The following REC114 variants were observed in gnomAD, a reference collection of about 807,000 sequenced individuals.
The protein encoded by REC114 is meiotic recombination protein REC114.
Under a neutral mutation model 31.3 loss-of-function variants are expected in REC114, and 27 were observed. The observed-to-expected ratio is 0.86, with a 90% confidence interval of 0.64 to 1.19. REC114 has a LOEUF of 1.19. REC114 is among the 50% of genes most tolerant of loss of function. The pLI, the probability that REC114 is intolerant of heterozygous loss-of-function variation, is 0.00. For synonymous variants in REC114, 134 were observed against 127.7 expected, an observed-to-expected ratio of 1.05 and a Z score of -0.33; for missense variants, 344 against 326.9, an observed-to-expected ratio of 1.05 and a Z score of -0.40.
intron 1 of REC114, among the ~76,000 whole-genome samples, chr15:73,445,790 C>A (rs557443555): frequency 1.3e-5 from 2 of 152,064 alleles, no homozygotes; most frequent in Non-Finnish European, 2.9e-5. Flanking sequence ...TTGTGGCACT[C>A]CAGAACAATT....
rs1893061650 is a variant in REC114, at chr15:73,466,495, A to G, written c.160-7337A>G. 2.0e-5 allele frequency among the ~76,000 whole-genome samples: 3 copies of G among 152,146 alleles called. 1 individual carries two copies. In the South Asian group the frequency reaches 6.2e-4, roughly 31 times the overall value. ...CTTGAACCTGGGAGGCAGAGGTTGC[A>G]GTGAGCCAAGATGGTGCCATTGCAC... On this transcript the variant is annotated intron_variant, in intron 1 of 5. Transcript: ENST00000331090.
At chr15:73,554,685 A>T (rs2141337714) in intron 4 of REC114, among the ~76,000 whole-genome samples, 1 of 152,324 alleles carries the variant, frequency 6.6e-6, no homozygotes, top group African/African-American at 2.4e-5. Flanking sequence ...AGTCCAGAAG[A>T]AAGTAGCTAG....
chr15:73,467,892 C>CT (rs112871881), intron 1 of REC114, among the ~76,000 whole-genome samples: 1,488 of 145,606 alleles, frequency 0.01, 22 homozygotes, highest in African/African-American at 0.032. Flanking sequence ...GCTCAAGAAT[C>CT]TTTTTTTTTT....
At chr15:73,523,765 C>G (rs758743074) in intron 2 of REC114, among the ~76,000 whole-genome samples, 1 of 151,936 alleles carries the variant, frequency 6.6e-6, no homozygotes, top group Non-Finnish European at 1.5e-5. Context: ...CTGTTTCTAC[C>G]CCAGGGTGGC....
chr15:73,474,803 G>T (rs887613955), intron 2 of REC114, among the ~76,000 whole-genome samples: 2 of 152,092 alleles, frequency 1.3e-5, no homozygotes, highest in Admixed American at 1.3e-4. Flanking sequence ...ATTCTTTTTG[G>T]ATCACTTACA....
At chr15:73,487,757 C>T (rs879577885) in intron 2 of REC114, among the ~76,000 whole-genome samples, 10 of 152,204 alleles carry the variant, frequency 6.6e-5, no homozygotes, top group African/African-American at 9.6e-5. Context: ...GTGCTGCTCC[C>T]GTGGCCTCAC....
At chr15:73,479,521 T>G (rs924727239) in intron 2 of REC114, among the ~76,000 whole-genome samples, 1 of 152,078 alleles carries the variant, frequency 6.6e-6, no homozygotes, top group African/African-American at 2.4e-5. Flanking sequence ...GTACATTAGA[T>G]CTCTAGAATT....
intron 2 of REC114, among the ~76,000 whole-genome samples, chr15:73,474,743 G>A (rs971476160): frequency 2.6e-5 from 4 of 152,118 alleles, no homozygotes; most frequent in East Asian, 1.9e-4. Flanking sequence ...CATTCTAGTG[G>A]GGGAAAAACA....
intron 4 of REC114, among the ~76,000 whole-genome samples, chr15:73,553,104 C>T (rs1287583502): frequency 6.6e-6 from 1 of 152,120 alleles, no homozygotes; most frequent in Non-Finnish European, 1.5e-5. Flanking sequence ...CATGAGCCAC[C>T]GCACCCAGCT....
intron 3 of REC114, 142 bp downstream of exon 3, chr15:73,540,710 T>G: frequency 1.3e-6 from 1 of 745,516 alleles, no homozygotes; most frequent in Non-Finnish European, 2.3e-6. Flanking sequence ...GAGAAAAACA[T>G]GAAACAAGGA....
At chr15:73,457,862 A>G (rs375859085) in intron 1 of REC114, among the ~76,000 whole-genome samples, 6 of 152,180 alleles carry the variant, frequency 3.9e-5, no homozygotes, top group East Asian at 3.9e-4. Context: ...TTGACATTCA[A>G]CTAGGCATTA....
At chr15:73,471,402 AAAG>A (rs1236075573) in intron 1 of REC114, among the ~76,000 whole-genome samples, 2 of 152,254 alleles carry the variant, frequency 1.3e-5, no homozygotes, top group Non-Finnish European at 2.9e-5. Flanking sequence ...GAAACCTGAA[AAAG>A]AAGAAAATTA....
At chr15:73,545,647 C>CT in intron 3 of REC114, among the ~76,000 whole-genome samples, 1 of 152,234 alleles carries the variant, frequency 6.6e-6, no homozygotes, top group South Asian at 2.1e-4. Flanking sequence ...TACTCTGTTG[C>CT]TTTTTTGGAA....
At chr15:73,528,714 ATTTG>A (rs1894037564) in intron 2 of REC114, among the ~76,000 whole-genome samples, 1 of 152,218 alleles carries the variant, frequency 6.6e-6, no homozygotes, top group Non-Finnish European at 1.5e-5. Context: ...AGCCATGCTT[ATTTG>A]TTTATGTATT....
intron 2 of REC114, among the ~76,000 whole-genome samples, chr15:73,521,342 A>G (rs912712434): frequency 2.6e-5 from 4 of 152,326 alleles, no homozygotes; most frequent in African/African-American, 9.6e-5. Flanking sequence ...AAATTGAATA[A>G]TTGTTGGCCT....
intron 1 of REC114, among the ~76,000 whole-genome samples, chr15:73,452,028 T>C (rs1892857476): frequency 6.6e-6 from 1 of 152,176 alleles, no homozygotes; most frequent in South Asian, 2.1e-4. Context: ...GCCAATATCA[T>C]ACTGAATGGG....
intron 2 of REC114, among the ~76,000 whole-genome samples, chr15:73,526,221 G>A (rs1894005180): frequency 6.6e-6 from 1 of 152,044 alleles, no homozygotes; most frequent in African/African-American, 2.4e-5. Context: ...CATTCAAAAT[G>A]AATTTTTTCT....
At chr15:73,531,327 C>A (rs1021959909) in intron 2 of REC114, among the ~76,000 whole-genome samples, 4 of 152,146 alleles carry the variant, frequency 2.6e-5, no homozygotes, top group Non-Finnish European at 4.4e-5. Flanking sequence ...ATCTGTGCAT[C>A]CATTTTCTTA....
intron 2 of REC114, among the ~76,000 whole-genome samples, chr15:73,478,263 CAAAAA>C (rs57210193): frequency 5.0e-5 from 2 of 40,332 alleles, no homozygotes; most frequent in South Asian, 1.1e-3. Context: ...GACTCTGTCT[CAAAAA>C]AAAAAAAAAA....
Sources: allele counts gnomAD v4.1 joint callset (sites outside exome capture counted in the v4.1 genomes callset), GRCh38; gene constraint gnomAD v4.1.1; transcripts MANE v1.5; gene names NCBI Gene and HGNC (gene_info 2026-07-23, HGNC 2026-07-21).